Variants in PBX4 observed in about 807,000 individuals in gnomAD.
The protein encoded by PBX4 is pre-B-cell leukemia transcription factor 4.
A neutral mutation model predicts 35.1 loss-of-function variants in PBX4; 26 were observed. The ratio of observed to expected loss-of-function variants is 0.74; its 90% CI spans 0.54 to 1.03. The LOEUF (loss-of-function observed/expected upper bound fraction) is 1.03. PBX4 is among the 50% of genes least tolerant of loss of function. The probability of loss-of-function intolerance (pLI) is 0.00; values close to 1 mark genes in which losing one functional copy is unlikely to be tolerated. For synonymous variants in PBX4, 199 were observed against 204.2 expected, an observed-to-expected ratio of 0.97 and a Z score of 0.22; for missense variants, 448 against 504.3, an observed-to-expected ratio of 0.89 and a Z score of 1.07.
At position 19,570,702 on chromosome 19, in the gene PBX4, C is replaced by T. The variant is rs748095342; in HGVS notation, c.325G>A (p.Gly109Ser). 1.7e-5 allele frequency: 27 copies of T among 1,613,998 alleles called. No individual in the cohort carries two copies. Among genetic ancestry groups the T allele is most frequent in the Non-Finnish European group, 2.2e-5 (26 of 1,180,018 alleles). The change falls in exon 3 of 8, where the codon GGC becomes AGC. Residue 109 changes from glycine to serine, a missense_variant. Coordinates refer to ENST00000251203, the MANE Select transcript of PBX4 (RefSeq NM_025245.3). ...RGRGGAVARA[G>S]TATPGGCPND... ...GGACAGCCACCTGGTGTTGCTGTGC[C>T]GGCCCTGGCCACCGCTCCTCCTCTT...
intron 2 of PBX4, among the ~76,000 whole-genome samples, chr19:19,598,173 C>G (rs1044896958): frequency 7.2e-5 from 11 of 152,050 alleles, no homozygotes; most frequent in Admixed American, 5.2e-4. Context: ...TTGTACTCAG[C>G]GTAATTTCCT....
chr19:19,562,073 G>A lies in PBX4; in HGVS notation c.1077C>T (p.Ala359=), dbSNP rs772334586. ...WQGATPQPAT[A]SPAGDPGSIN... is the part of the protein sequence containing the mutation. ...TGCTGCCAGGGTCTCCAGCAGGTGAGGCAGTTGCAGGTTGGGGGGTGGCCC... is the reference window on the plus strand; with the variant it reads ...TGCTGCCAGGGTCTCCAGCAGGTGAAGCAGTTGCAGGTTGGGGGGTGGCCC... Residue 359 remains alanine (A), a synonymous_variant, in exon 8 of 8, where the codon GCC becomes GCT. Transcript: ENST00000251203. The surrounding 1 kb of genome is among the most constrained non-coding windows in gnomAD (Gnocchi z 4.8). 5 of 1,613,128 alleles carry A rather than the reference G, an allele frequency of 3.1e-6. No individual in the cohort carries two copies. Among genetic ancestry groups the A allele is most frequent in the Middle Eastern group, 1.6e-4 (1 of 6,062 alleles).
chr19:19,607,461 A>G (rs2061638464), intron 1 of PBX4, among the ~76,000 whole-genome samples: 1 of 152,212 alleles, frequency 6.6e-6, no homozygotes. Flanking sequence ...AACCTAAACA[A>G]AAACAAAAAA....
In PBX4 at chr19:19,570,738, C is replaced by G; in HGVS notation, c.289G>C (p.Glu97Gln). The change falls in exon 3 of 8, where the codon GAG becomes CAG. Residue 97 changes from glutamate (E) to glutamine (Q), a missense_variant. Transcript: ENST00000251203. ...MLLAEGVCRPEKRGRGGAVAR... is the reference protein window; with the variant it reads ...MLLAEGVCRPQKRGRGGAVAR... The stretch of plus-strand genomic sequence containing the variant: ...ACCGCTCCTCCTCTTCCTCTCTTCT[C>G]GGGCCTGCACACGCCCTCAGCCAGC... 1 of 1,614,092 alleles carries G rather than the reference C, an allele frequency of 6.2e-7. No individual in the cohort carries two copies. The highest frequency in any genetic ancestry group is 8.5e-7 in the Non-Finnish European group (1 of 1,180,018).
intron 2 of PBX4, among the ~76,000 whole-genome samples, chr19:19,591,702 A>T (rs181581647): frequency 4.5e-4 from 69 of 152,312 alleles, no homozygotes; most frequent in Middle Eastern, 3.4e-3. Flanking sequence ...TGAGATCCGA[A>T]GCTTTTCACA....
At position 19,618,528 on chromosome 19, in the gene PBX4, CA is replaced by C; in HGVS notation, c.101del (p.Leu34ArgfsTer11). ...GGCAGCACCTGGCCTGTGCCTCGTC[CA>C]GGCTCTGGTCGGTGATGGCCATGAT... is the stretch of plus-strand genomic sequence containing the variant. ...QQIMAITDQSLDEAQARKHAL... is the reference protein window; with the variant it reads ...QQIMAITDQSXDEAQARKHAL... On this transcript the variant is annotated frameshift_variant, in exon 1 of 8. Transcript: ENST00000251203. LOFTEE classifies it high-confidence loss of function. 6.8e-7 allele frequency: 1 copy of C among 1,481,096 alleles called. No individual in the cohort carries two copies. The highest frequency in any genetic ancestry group is 9.0e-7 in the Non-Finnish European group (1 of 1,111,474). The allele number at this position is 1,481,096 out of a possible 1,614,324, so 91.7% of individuals were successfully genotyped here.
At chr19:19,587,666 T>C (rs1192715430) in intron 2 of PBX4, among the ~76,000 whole-genome samples, 3 of 149,174 alleles carry the variant, frequency 2.0e-5, no homozygotes, top group Non-Finnish European at 4.4e-5. Flanking sequence ...ACACCAAAGG[T>C]TCCTCAAGGA....
At position 19,561,851 on chromosome 19, in the gene PBX4, G is replaced by A. The variant is rs1299624397; in HGVS notation, c.*174C>T. The A allele has an allele frequency of 1.6e-5, 8 of 502,464 alleles. No individual in the cohort carries two copies. Among genetic ancestry groups the A allele is most frequent in the Admixed American group, 3.8e-5 (1 of 26,092 alleles). 31.1% of individuals were successfully genotyped at this position (502,464 alleles called of 1,614,324 possible). On this transcript the variant is annotated 3_prime_UTR_variant, in exon 8 of 8. Coordinates refer to ENST00000251203, the MANE Select transcript of PBX4 (RefSeq NM_025245.3). ...AATGAGTGGCGTTTCAGGCCATCTCGAGTCGCAGCAGACACATGAGCCGGC... is the reference window on the plus strand; with the variant it reads ...AATGAGTGGCGTTTCAGGCCATCTCAAGTCGCAGCAGACACATGAGCCGGC...
chr19:19,578,341 T>C (rs117623836), intron 2 of PBX4, among the ~76,000 whole-genome samples: 2,701 of 152,280 alleles, frequency 0.018, 85 homozygotes, highest in South Asian at 0.11. Flanking sequence ...TCTTGGGTGG[T>C]GCCTACAACA....
intron 2 of PBX4, among the ~76,000 whole-genome samples, chr19:19,592,164 T>G (rs962984590): frequency 3.9e-5 from 6 of 152,136 alleles, no homozygotes; most frequent in Non-Finnish European, 7.4e-5. Context: ...ATTATAGGCG[T>G]GAGCCACTGT....
intron 1 of PBX4, among the ~76,000 whole-genome samples, chr19:19,607,710 C>T (rs895436396): frequency 1.7e-4 from 26 of 152,192 alleles, no homozygotes; most frequent in Admixed American, 8.5e-4. Context: ...ATTCTGGTAT[C>T]TACCAACAGT....
In PBX4 at chr19:19,584,894, T is replaced by C. The variant is rs571984290; in HGVS notation, c.194-14061A>G. On this transcript the variant is annotated intron_variant, in intron 2 of 7. Transcript: ENST00000251203. The stretch of plus-strand genomic sequence containing the variant: ...CCCTTGGCCTCCCAAAGGGCTGGGA[T>C]TACAGGCGCGAGCCACCTCCTGGCC... 7.2e-5 allele frequency among the ~76,000 whole-genome samples: 11 copies of C among 152,016 alleles called. No individual in the cohort carries two copies. In the South Asian group the frequency reaches 2.1e-3, roughly 29 times the overall value.
In PBX4 at chr19:19,569,535, A is replaced by G. The variant is rs893139411; in HGVS notation, c.682T>C (p.Tyr228His). ...SKQATEVLNE[Y>H]FYSHLNNPYP... ...GGGTTGTTCAGATGGGAGTAAAAATACTCATTCAGCACTTCCGTCGCCTGC... is the reference window on the plus strand; with the variant it reads ...GGGTTGTTCAGATGGGAGTAAAAATGCTCATTCAGCACTTCCGTCGCCTGC... The change falls in exon 5 of 8, where the codon TAT becomes CAT. Residue 228 changes from tyrosine (Y) to histidine (H), a missense_variant. By Grantham distance (83) the Tyr-to-His change is moderately conservative. Coordinates refer to ENST00000251203, the MANE Select transcript of PBX4 (RefSeq NM_025245.3). 2.5e-6 allele frequency: 4 copies of G among 1,613,498 alleles called. No individual in the cohort carries two copies. In the African/African-American group the frequency reaches 5.3e-5, roughly 22 times the overall value.
intron 1 of PBX4, among the ~76,000 whole-genome samples, chr19:19,610,541 A>T (rs1010689456): frequency 2.6e-5 from 4 of 152,054 alleles, no homozygotes; most frequent in Non-Finnish European, 2.9e-5. Context: ...ATTTGAGGTC[A>T]GGAGTTCAAG....
rs772590168 is a variant in PBX4, at chr19:19,563,552, G to C, written c.989C>G (p.Ala330Gly). ...GDAFLTLRTL[A>G]SLQPPPGGGC... ...TCCCCCAGGAGGAGGCTGGAGAGAG[G>C]CCAGAGTCCGCAGGGTGAGGAAGGC... The change falls in exon 7 of 8, where the codon GCC becomes GGC. Residue 330 changes from alanine (A) to glycine (G), a missense_variant. Ala to Gly is a moderately conservative substitution (Grantham distance 60). Transcript: ENST00000251203. The surrounding 1 kb of genome is among the most constrained non-coding windows in gnomAD (Gnocchi z 5.1). 48 of 1,550,640 alleles carry C rather than the reference G, an allele frequency of 3.1e-5. No homozygotes were observed. The East Asian group carries it at 1.2e-3, about 38-fold the overall frequency.
chr19:19,581,846 G>A (rs557376172), intron 2 of PBX4, among the ~76,000 whole-genome samples: 1 of 152,270 alleles, frequency 6.6e-6, no homozygotes, highest in East Asian at 1.9e-4. Context: ...TTCCTGCCAC[G>A]ATGCAAGGTG....
chr19:19,589,678 G>A (rs949094517), intron 2 of PBX4, among the ~76,000 whole-genome samples: 4 of 151,928 alleles, frequency 2.6e-5, no homozygotes, highest in Admixed American at 6.6e-5. Flanking sequence ...GCTGAGGCAG[G>A]AGACCCGCTT....
intron 1 of PBX4, among the ~76,000 whole-genome samples, chr19:19,612,518 A>C (rs1163355044): frequency 6.6e-6 from 1 of 152,172 alleles, no homozygotes; most frequent in Admixed American, 6.6e-5. Flanking sequence ...GTTGATCAGA[A>C]GAGACAATCT....
chr19:19,573,328 T>C (rs6511044), intron 2 of PBX4, among the ~76,000 whole-genome samples: 34 of 92,112 alleles, frequency 3.7e-4, no homozygotes, highest in Admixed American at 4.1e-4. Flanking sequence ...AAAAAAAAAA[T>C]ATACACACAC....
Sources: allele counts gnomAD v4.1 joint callset (sites outside exome capture counted in the v4.1 genomes callset), GRCh38; gene constraint gnomAD v4.1.1; non-coding constraint Gnocchi (gnomAD v3.1); transcripts MANE v1.5; gene names NCBI Gene and HGNC (gene_info 2026-07-23, HGNC 2026-07-21).